PALM2AKAP2: variants seen among roughly 807,000 people sequenced by gnomAD.
PALM2AKAP2 encodes the protein PALM2 and AKAP2 fusion, also known as PALM2-AKAP2 fusion protein.
PALM2AKAP2 carries 37 observed loss-of-function variants against 71.5 expected under a neutral mutation model. The observed-to-expected ratio is 0.52, with a 90% confidence interval of 0.40 to 0.68. The LOEUF (loss-of-function observed/expected upper bound fraction) is 0.68. PALM2AKAP2 is among the 30% of genes least tolerant of loss of function. The pLI, the probability that PALM2AKAP2 is intolerant of heterozygous loss-of-function variation, is 0.00. For missense variants in PALM2AKAP2, 1,224 were observed against 1,191.8 expected, an observed-to-expected ratio of 1.03 and a Z score of -0.40; for synonymous variants, 468 against 478.8, an observed-to-expected ratio of 0.98 and a Z score of 0.29.
At chr9:110,006,701 G>T (rs561752428) in intron 6 of PALM2AKAP2, among the ~76,000 whole-genome samples, 65 of 152,034 alleles carry the variant, frequency 4.3e-4, no homozygotes, top group Middle Eastern at 3.4e-3. Context: ...GAGAACGAGA[G>T]AGAAAAAAAT....
At chr9:109,873,805 G>C (rs1373225041) in intron 2 of PALM2AKAP2, among the ~76,000 whole-genome samples, 1 of 152,062 alleles carries the variant, frequency 6.6e-6, no homozygotes, top group Non-Finnish European at 1.5e-5. Flanking sequence ...GCCCCACCCA[G>C]CCTCTCCAGA....
chr9:109,780,489 A>G (rs781360244), exon 1 of PALM2AKAP2: 28 of 1,613,504 alleles, frequency 1.7e-5, no homozygotes, highest in Non-Finnish European at 2.3e-5. Context: ...CTTCTCCAGG[A>G]TGGCAGAGGC....
At chr9:110,033,649 C>T (rs1833327046) in intron 7 of PALM2AKAP2, among the ~76,000 whole-genome samples, 1 of 152,136 alleles carries the variant, frequency 6.6e-6, no homozygotes, top group Non-Finnish European at 1.5e-5. Flanking sequence ...TTTCAGAGCC[C>T]ACAGTTTATT....
At chr9:109,925,832 T>C (rs960337700) in intron 5 of PALM2AKAP2, among the ~76,000 whole-genome samples, 1 of 152,216 alleles carries the variant, frequency 6.6e-6, no homozygotes, top group African/African-American at 2.4e-5. Flanking sequence ...TACTTTCATT[T>C]GGCCCTCAGC....
At chr9:109,696,914 TG>T (rs1184716313) in intron 1 of PALM2AKAP2, among the ~76,000 whole-genome samples, 1 of 152,180 alleles carries the variant, frequency 6.6e-6, no homozygotes, top group Admixed American at 6.5e-5. Flanking sequence ...AAACTCAAAA[TG>T]TTTTCCTGCT....
intron 1 of PALM2AKAP2, among the ~76,000 whole-genome samples, chr9:109,828,701 G>T (rs1828220446): frequency 1.3e-5 from 2 of 152,222 alleles, no homozygotes; most frequent in Non-Finnish European, 2.9e-5. Context: ...TCACAAAGAA[G>T]ATGAGTTCAT....
At chr9:109,732,591 T>C (rs1828572809) in intron 1 of PALM2AKAP2, among the ~76,000 whole-genome samples, 1 of 152,180 alleles carries the variant, frequency 6.6e-6, no homozygotes, top group East Asian at 1.9e-4. Flanking sequence ...CACATGGATA[T>C]TTGGGATATA....
intron 1 of PALM2AKAP2, among the ~76,000 whole-genome samples, chr9:109,855,053 C>A (rs1231910373): frequency 6.6e-6 from 1 of 151,400 alleles, no homozygotes; most frequent in Non-Finnish European, 1.5e-5. Context: ...CAGGCGTGAG[C>A]CACCATGCCT....
rs188457928 is a variant in PALM2AKAP2 at position 109,683,551 on chromosome 9, C to T, written c.5+42685C>T. ...CTGCTGACACCCAGATTTCAGACTT[C>T]GGCTTTCAGCACTGTAGAGAATACA... On this transcript the variant is annotated intron_variant, in intron 1 of 6. Transcript: ENST00000374531. Among the ~76,000 whole-genome samples the T allele has an allele frequency of 3.3e-4, 51 of 152,276 alleles. No homozygotes were observed. The East Asian group carries it at 8.1e-3, about 24-fold the overall frequency.
chr9:109,794,936 C>G (rs1307584912), intron 1 of PALM2AKAP2, among the ~76,000 whole-genome samples: 2 of 152,232 alleles, frequency 1.3e-5, no homozygotes, highest in Non-Finnish European at 2.9e-5. Flanking sequence ...CACAATTGCT[C>G]ACTGCAGATG....
chr9:109,760,431 G>A (rs1387830167), intron 1 of PALM2AKAP2: 1 of 152,146 alleles, frequency 6.6e-6, no homozygotes, highest in African/African-American at 2.4e-5. Context: ...CCAGCATTTT[G>A]TGTCATCTTC....
At chr9:109,819,657 T>G (rs962408051) in intron 1 of PALM2AKAP2, among the ~76,000 whole-genome samples, 1 of 151,850 alleles carries the variant, frequency 6.6e-6, no homozygotes, top group Non-Finnish European at 1.5e-5. Flanking sequence ...TGCCAAGGGT[T>G]TGAACACACA....
intron 1 of PALM2AKAP2, among the ~76,000 whole-genome samples, chr9:110,119,128 A>G (rs1311651090): frequency 6.6e-6 from 1 of 152,076 alleles, no homozygotes; most frequent in Non-Finnish European, 1.5e-5. Flanking sequence ...GCAAATCATG[A>G]GGTCAAGAGA....
intron 1 of PALM2AKAP2, among the ~76,000 whole-genome samples, chr9:109,858,281 A>G (rs1409799485): frequency 1.3e-5 from 2 of 152,270 alleles, no homozygotes; most frequent in African/African-American, 4.8e-5. Flanking sequence ...TGAAGATTAA[A>G]CATGTTAAAT....
intron 6 of PALM2AKAP2, among the ~76,000 whole-genome samples, chr9:110,010,250 G>C (rs1479885703): frequency 6.6e-6 from 1 of 151,922 alleles, no homozygotes; most frequent in Non-Finnish European, 1.5e-5. Flanking sequence ...TTTAAAAATG[G>C]AATAAAGATT....
At chr9:109,754,460 G>A (rs181950803) in intron 1 of PALM2AKAP2, among the ~76,000 whole-genome samples, 4 of 152,294 alleles carry the variant, frequency 2.6e-5, no homozygotes, top group Non-Finnish European at 4.4e-5. Flanking sequence ...GTAGTATACA[G>A]TGTTGTTAAT....
chr9:110,019,829 C>G (rs1180318393), intron 7 of PALM2AKAP2, among the ~76,000 whole-genome samples: 3 of 152,136 alleles, frequency 2.0e-5, no homozygotes, highest in Non-Finnish European at 2.9e-5. Context: ...GTAAAACTAC[C>G]TATTGGATAC....
intron 6 of PALM2AKAP2, among the ~76,000 whole-genome samples, chr9:109,961,622 C>T (rs942914974): frequency 2.4e-4 from 36 of 152,302 alleles, no homozygotes; most frequent in African/African-American, 7.5e-4. Flanking sequence ...GGTCGTGTGA[C>T]CTCTGGCATG....
intron 6 of PALM2AKAP2, chr9:109,945,350 T>G (rs756596121): frequency 6.6e-6 from 1 of 152,224 alleles, no homozygotes; most frequent in African/African-American, 2.4e-5. Flanking sequence ...GGCTTGGTTT[T>G]GAATAACTGA....
Sources: allele counts gnomAD v4.1 joint callset (sites outside exome capture counted in the v4.1 genomes callset), GRCh38; gene constraint gnomAD v4.1.1; transcripts MANE v1.5; gene names NCBI Gene and HGNC (gene_info 2026-07-23, HGNC 2026-07-21).